Variants in VWF observed in about 807,000 individuals in gnomAD.
The protein encoded by VWF is von Willebrand factor.
VWF carries 176 observed loss-of-function variants against 308.6 expected under a neutral mutation model. The ratio of observed to expected loss-of-function variants is 0.57; its 90% CI spans 0.50 to 0.65. The LOEUF (loss-of-function observed/expected upper bound fraction) is 0.65. Among genes scored for constraint, VWF ranks in the 30% least tolerant of loss-of-function variants. The pLI, the probability that VWF is intolerant of heterozygous loss-of-function variation, is 0.00. For missense variants in VWF, 3,146 were observed against 3,648.2 expected, an observed-to-expected ratio of 0.86 and a Z score of 3.55; for synonymous variants, 1,385 against 1,443.4, an observed-to-expected ratio of 0.96 and a Z score of 0.92.
In VWF at chr12:6,036,486, C is replaced by T. The variant is rs1360849561; in HGVS notation, c.2448G>A (p.Arg816=). 6.2e-7 allele frequency: 1 copy of T among 1,614,132 alleles called. No individual in the cohort carries two copies. Among genetic ancestry groups the T allele is most frequent in the African/African-American group, 1.3e-5 (1 of 75,044 alleles). ...SGCLCPPGMV[R]HENRCVALER... ...CCAGGGCCACACATCTGTTCTCATG[C>T]CGGACCTAAGAGAAAAGAATCCAAA... The change falls in exon 19 of 52, where the codon CGG becomes CGA. Residue 816 remains arginine (R), a synonymous_variant. Coordinates refer to ENST00000261405, the MANE Select transcript of VWF (RefSeq NM_000552.5).
intron 3 of VWF, among the ~76,000 whole-genome samples, chr12:6,118,540 C>A (rs756883420): frequency 7.2e-5 from 11 of 151,948 alleles, no homozygotes; most frequent in Admixed American, 1.3e-4. Context: ...GCACCCACCA[C>A]AACGCCTGGC....
intron 37 of VWF, among the ~76,000 whole-genome samples, chr12:5,993,279 C>T (rs1943765117): frequency 6.6e-6 from 1 of 152,294 alleles, no homozygotes; most frequent in African/African-American, 2.4e-5. Flanking sequence ...TTCAGTTTCC[C>T]CTGTACTTTA....
chr12:6,051,285 TC>T (rs1172543648), intron 16 of VWF, among the ~76,000 whole-genome samples: 38 of 119,532 alleles, frequency 3.2e-4, no homozygotes, highest in Admixed American at 6.4e-4. Flanking sequence ...CTTCTTTTTT[TC>T]TTTTTTTTTT....
intron 3 of VWF, 62 bp downstream of exon 3, chr12:6,121,112 C>T: frequency 6.2e-7 from 1 of 1,607,730 alleles, no homozygotes; most frequent in Non-Finnish European, 8.5e-7. Context: ...TCCTCCCCCA[C>T]ACCAGGGCTA....
chr12:5,960,716 C>T (rs975677403), intron 47 of VWF, among the ~76,000 whole-genome samples: 1 of 152,162 alleles, frequency 6.6e-6, no homozygotes, highest in African/African-American at 2.4e-5. Flanking sequence ...CTCATGTTAA[C>T]AGAATTAAGG....
chr12:6,031,804 T>C (rs1022891908), intron 20 of VWF, among the ~76,000 whole-genome samples: 7 of 63,952 alleles, frequency 1.1e-4, no homozygotes, highest in Admixed American at 2.2e-4. Flanking sequence ...GCCAGGTGCC[T>C]GCAGTGAGTG....
In VWF at chr12:6,073,398, C is replaced by T. The variant is rs566239631; in HGVS notation, c.997+221G>A. On this transcript the variant is annotated intron_variant, in intron 8 of 51. Transcript: ENST00000261405. ...GCCCAGGCCACCCTCCAATTTCCCT[C>T]AACACAAGTGCGTTCATGGATACAG... 2.6e-5 allele frequency among the ~76,000 whole-genome samples: 4 copies of T among 152,336 alleles called. 1 individual carries two copies. Among genetic ancestry groups the T allele is most frequent in the African/African-American group, 9.6e-5 (4 of 41,572 alleles).
At chr12:6,112,462 T>C (rs1945317837) in intron 3 of VWF, among the ~76,000 whole-genome samples, 1 of 152,010 alleles carries the variant, frequency 6.6e-6, no homozygotes, top group Non-Finnish European at 1.5e-5. Context: ...GAGAAATTAA[T>C]GGAAATAGGA....
At chr12:6,089,498 T>C (rs1326851413) in intron 6 of VWF, among the ~76,000 whole-genome samples, 2 of 152,140 alleles carry the variant, frequency 1.3e-5, no homozygotes, top group Non-Finnish European at 2.9e-5. Flanking sequence ...AGGGTACAGC[T>C]GGAGCCTCAG....
At chr12:6,122,852 C>G (rs375202592) in intron 2 of VWF, 71 of 701,494 alleles carry the variant, frequency 1.0e-4, no homozygotes, top group Middle Eastern at 4.8e-4. Context: ...ATAATCCATC[C>G]AAGTCTTGGA....
rs543872690 is a variant in VWF at position 6,107,787 on chromosome 12, T to C, written c.532+2587A>G. On this transcript the variant is annotated intron_variant, in intron 5 of 51. Coordinates refer to ENST00000261405, the MANE Select transcript of VWF (RefSeq NM_000552.5). ...CATTCTCCTGCCTCAGCTTCCCGAGTAGCTGGGACTACAGGCACCTGCCAC... is the reference window on the plus strand; with the variant it reads ...CATTCTCCTGCCTCAGCTTCCCGAGCAGCTGGGACTACAGGCACCTGCCAC... Among the ~76,000 whole-genome samples, 7 of 152,170 alleles carry C rather than the reference T, an allele frequency of 4.6e-5. No individual in the cohort carries two copies. In the East Asian group the frequency reaches 1.4e-3, roughly 29 times the overall value.
intron 6 of VWF, among the ~76,000 whole-genome samples, chr12:6,079,864 C>G (rs1022317139): frequency 6.6e-6 from 1 of 152,148 alleles, no homozygotes; most frequent in African/African-American, 2.4e-5. Flanking sequence ...CCTTCATGAT[C>G]TGACCCCAGC....
In VWF at chr12:6,046,115, T is replaced by C. The variant is rs1055852390; in HGVS notation, c.2281+608A>G. 2.0e-5 allele frequency among the ~76,000 whole-genome samples: 3 copies of C among 152,102 alleles called. No homozygotes were observed. The highest frequency in any genetic ancestry group is 4.4e-5 in the Non-Finnish European group (3 of 68,016). On this transcript the variant is annotated intron_variant, in intron 17 of 51. Coordinates refer to ENST00000261405, the MANE Select transcript of VWF (RefSeq NM_000552.5). The surrounding 1 kb of genome is among the most constrained non-coding windows in gnomAD (Gnocchi z 5.0). ...GGCGCATGCCTGTAATTCCAGCTAC[T>C]TGGGAGGCTGAGGCACGAGAATTGC...
In VWF at chr12:5,976,211, T is replaced by G. The variant is rs1943531532; in HGVS notation, c.7337A>C (p.Glu2446Ala). The change falls in exon 43 of 52, where the codon GAG (glutamate) becomes GCG (alanine). Residue 2446 changes from glutamate to alanine, a missense_variant. Transcript: ENST00000261405. ...GGTGCAGGTGCACACATCGCAGCCC[T>G]CCTCCCAGAACTGGCCCACAGGGTA... is the stretch of plus-strand genomic sequence containing the variant. The part of the protein sequence containing the change: ...TIYPVGQFWE[E>A]GCDVCTCTDM... 1.1e-5 allele frequency: 18 copies of G among 1,614,014 alleles called. No individual in the cohort carries two copies. The highest frequency in any genetic ancestry group is 1.5e-5 in the Non-Finnish European group (18 of 1,180,010).
chr12:5,980,903 C>G (rs1345981579), intron 42 of VWF, among the ~76,000 whole-genome samples: 5 of 152,246 alleles, frequency 3.3e-5, no homozygotes, highest in Non-Finnish European at 1.5e-5. Flanking sequence ...CACTCCGCCA[C>G]TTTCGCGCCC....
At chr12:6,044,753 G>A (rs891901447) in intron 17 of VWF, among the ~76,000 whole-genome samples, 2 of 152,196 alleles carry the variant, frequency 1.3e-5, no homozygotes, top group African/African-American at 4.8e-5. Flanking sequence ...GAATCAGGAT[G>A]CATTGCAGAA....
chr12:6,064,182 G>C (rs1944686090), intron 12 of VWF, 64 bp downstream of exon 12: 2 of 1,612,734 alleles, frequency 1.2e-6, no homozygotes, highest in Non-Finnish European at 1.7e-6. Flanking sequence ...CCAGGGTTGA[G>C]AAGGAGGGTG....
At chr12:6,104,693 T>C (rs1945220979) in intron 5 of VWF, among the ~76,000 whole-genome samples, 1 of 149,596 alleles carries the variant, frequency 6.7e-6, no homozygotes, top group Non-Finnish European at 1.5e-5. Context: ...TGAGACTCTG[T>C]CTCGGAAAAA....
intron 20 of VWF, among the ~76,000 whole-genome samples, chr12:6,034,040 G>A (rs1239004295): frequency 6.6e-6 from 1 of 152,244 alleles, no homozygotes; most frequent in East Asian, 1.9e-4. Context: ...GGGAGGCAGA[G>A]GGGCTGCTGC....
Sources: allele counts gnomAD v4.1 joint callset (sites outside exome capture counted in the v4.1 genomes callset), GRCh38; gene constraint gnomAD v4.1.1; non-coding constraint Gnocchi (gnomAD v3.1); transcripts MANE v1.5; gene names NCBI Gene and HGNC (gene_info 2026-07-23, HGNC 2026-07-21).